Variants in MYO18B observed in about 807,000 individuals in gnomAD.
MYO18B encodes the protein unconventional myosin-XVIIIb.
MYO18B carries 204 observed loss-of-function variants against 273.0 expected under a neutral mutation model. The observed-to-expected ratio is 0.75, with a 90% CI of 0.67 to 0.84. The LOEUF (loss-of-function observed/expected upper bound fraction) is 0.84, where lower values mean the gene tolerates loss of function less well. Ranked by LOEUF, MYO18B falls within the 40% of genes least tolerant of loss-of-function variation. MYO18B has a pLI of 0.00. For synonymous variants in MYO18B, 1,330 were observed against 1,305.7 expected (o/e 1.02, Z -0.40); for missense variants, 3,212 against 3,287.6 (o/e 0.98, Z 0.56).
chr22:26,039,123 T>G, the MYO18B span, among the ~76,000 whole-genome samples: 2 of 152,178 alleles, frequency 1.3e-5, no homozygotes, highest in African/African-American at 4.8e-5. Flanking sequence ...CTGCCTGCTC[T>G]GTTCTTGGTG....
chr22:25,770,186 G>T lies in MYO18B; in HGVS notation c.1579+10G>T. On this transcript the variant is annotated intron_variant, in intron 5 of 43. Transcript: ENST00000335473. ...GATGGATTTACTCTTGGTAAGTAGG[G>T]GTGTTAGCACCTTTGGAGGGTCTGA... 6.2e-7 allele frequency: 1 copy of T among 1,613,704 alleles called. No homozygotes were observed. Among genetic ancestry groups the T allele is most frequent in the Non-Finnish European group, 8.5e-7 (1 of 1,179,672 alleles).
chr22:25,902,864 CTGA>C, intron 30 of MYO18B, 128 bp downstream of exon 30: 1 of 1,052,574 alleles, frequency 9.5e-7, no homozygotes. Flanking sequence ...TGTCAAGCAG[CTGA>C]ATCCCAGTGT....
chr22:25,960,995 A>G (rs2092912380), intron 39 of MYO18B, among the ~76,000 whole-genome samples: 2 of 152,086 alleles, frequency 1.3e-5, no homozygotes, highest in Admixed American at 6.5e-5. Flanking sequence ...TGAAAGAGAA[A>G]GAGAGAGAGA....
chr22:25,815,933 A>G (rs1417086009), intron 12 of MYO18B, among the ~76,000 whole-genome samples: 2 of 152,090 alleles, frequency 1.3e-5, no homozygotes, highest in Non-Finnish European at 2.9e-5. Context: ...GCAATGATTC[A>G]TGTTGGATTA....
At chr22:25,866,123 T>C (rs1325931324) in intron 21 of MYO18B, among the ~76,000 whole-genome samples, 2 of 152,160 alleles carry the variant, frequency 1.3e-5, no homozygotes, top group Non-Finnish European at 2.9e-5. Context: ...CTTTGACCCA[T>C]GGAATTGAAA....
chr22:26,048,311 C>A, the MYO18B span, among the ~76,000 whole-genome samples: 13 of 152,264 alleles, frequency 8.5e-5, no homozygotes, highest in Non-Finnish European at 1.8e-4. Context: ...ACTGAAGAGT[C>A]CCCAGACTCT....
chr22:25,771,843 G>A (rs2086730859), intron 6 of MYO18B, among the ~76,000 whole-genome samples: 1 of 152,200 alleles, frequency 6.6e-6, no homozygotes, highest in Admixed American at 6.5e-5. Context: ...GGGTTTGGGT[G>A]GTTTCCTAGG....
At chr22:25,825,008 T>C (rs2089438478) in intron 13 of MYO18B, among the ~76,000 whole-genome samples, 2 of 144,874 alleles carry the variant, frequency 1.4e-5, no homozygotes, top group African/African-American at 5.1e-5. Context: ...TGTGTAAACA[T>C]GTGCACAGAT....
Position 26,026,911 on chromosome 22 carries a change from A to T in MYO18B, c.6937A>T (p.Ile2313Phe), listed in dbSNP as rs758283941. ...LRVGAKSPLEIEGAAGGLLRS... is the reference protein window; with the variant it reads ...LRVGAKSPLEFEGAAGGLLRS... ...GGTTGGGGCAAAGTCACCCCTGGAAATCGAAGGGGCCGCTGGTGGTCTCTT... is the reference window on the plus strand; with the variant it reads ...GGTTGGGGCAAAGTCACCCCTGGAATTCGAAGGGGCCGCTGGTGGTCTCTT... Residue 2313 changes from isoleucine to phenylalanine, a missense_variant, in exon 43 of 44, where the codon ATC becomes TTC. Transcript: ENST00000335473. The T allele has an allele frequency of 6.2e-7, 1 of 1,608,152 alleles. No individual in the cohort carries two copies. The highest frequency in any genetic ancestry group is 2.2e-5 in the East Asian group (1 of 44,736).
At chr22:25,888,606 A>C (rs2146265614) in intron 25 of MYO18B, among the ~76,000 whole-genome samples, 1 of 151,652 alleles carries the variant, frequency 6.6e-6, no homozygotes, top group East Asian at 1.9e-4. Context: ...TTGCCACATA[A>C]GTACTTCCCT....
At chr22:25,920,096 C>G (rs1173601059) in intron 33 of MYO18B, among the ~76,000 whole-genome samples, 2 of 152,164 alleles carry the variant, frequency 1.3e-5, no homozygotes, top group Non-Finnish European at 2.9e-5. Context: ...TCATTCTCAA[C>G]CCCATGTTTT....
intron 11 of MYO18B, among the ~76,000 whole-genome samples, chr22:25,786,463 T>C (rs892499279): frequency 1.4e-5 from 2 of 145,228 alleles, no homozygotes; most frequent in South Asian, 2.2e-4. Flanking sequence ...GGGAAACAAA[T>C]AGTGCTGGAA....
intron 12 of MYO18B, among the ~76,000 whole-genome samples, chr22:25,812,476 T>C (rs1341253150): frequency 6.6e-6 from 1 of 152,116 alleles, no homozygotes; most frequent in Non-Finnish European, 1.5e-5. Flanking sequence ...AGGGTGCTGA[T>C]TAGAGTTGGT....
At chr22:26,047,125 AT>A in the MYO18B span, among the ~76,000 whole-genome samples, 11,450 of 134,764 alleles carry the variant, frequency 0.085, 521 homozygotes, top group African/African-American at 0.13. Context: ...TAGTTGGCCC[AT>A]TTTTTTTTTT....
chr22:26,049,934 C>G, the MYO18B span, among the ~76,000 whole-genome samples: 1 of 152,192 alleles, frequency 6.6e-6, no homozygotes, highest in Non-Finnish European at 1.5e-5. Flanking sequence ...ACTGCAAAGT[C>G]AAAATGTAGA....
At chr22:26,059,528 C>A in the MYO18B span, among the ~76,000 whole-genome samples, 909 of 152,296 alleles carry the variant, frequency 6.0e-3, 9 homozygotes, top group African/African-American at 0.019. Context: ...TAGAACCAAG[C>A]CCCTTTCATA....
At position 26,026,781 on chromosome 22, in the gene MYO18B, G is replaced by T. The variant is rs752396542; in HGVS notation, c.6807G>T (p.Thr2269=). The change falls in exon 43 of 44, where the codon ACG becomes ACT. Residue 2269 remains threonine, a synonymous_variant. Coordinates refer to ENST00000335473, the MANE Select transcript of MYO18B (RefSeq NM_032608.7). The part of the protein sequence containing the change: ...RKRAQRGQGS[T]LGLEDWPTLP... ...GAGCCCAGAGAGGCCAGGGGTCCAC[G>T]CTGGGCCTAGAGGACTGGCCCACTC... 6.2e-7 allele frequency: 1 copy of T among 1,606,402 alleles called. No individual in the cohort carries two copies. Among genetic ancestry groups the T allele is most frequent in the Admixed American group, 1.7e-5 (1 of 58,534 alleles).
intron 12 of MYO18B, 106 bp downstream of exon 12, chr22:25,798,203 C>T: frequency 1.5e-6 from 2 of 1,353,372 alleles, no homozygotes; most frequent in Non-Finnish European, 2.0e-6. Flanking sequence ...AATCTGTCAC[C>T]TTCTATGTCT....
At position 25,799,131 on chromosome 22, in the gene MYO18B, TTGTGTGTG is replaced by T. The variant is rs61488241; in HGVS notation, c.2521+1057_2521+1064del. ...TTATCACCTTATGCGGTGTTTACGT[TTGTGTGTG>T]TGTGTGTGTGTGTGTGTGTGTGCTT... On this transcript the variant is annotated intron_variant, in intron 12 of 43. Coordinates refer to ENST00000335473, the MANE Select transcript of MYO18B (RefSeq NM_032608.7). 3.5e-3 allele frequency among the ~76,000 whole-genome samples: 505 copies of T among 145,240 alleles called. 1 individual carries two copies. Among genetic ancestry groups the T allele is most frequent in the African/African-American group, 0.012 (472 of 39,292 alleles).
Sources: allele counts gnomAD v4.1 joint callset (sites outside exome capture counted in the v4.1 genomes callset), GRCh38; gene constraint gnomAD v4.1.1; transcripts MANE v1.5; gene names NCBI Gene and HGNC (gene_info 2026-07-23, HGNC 2026-07-21).